Variants in DTHD1 observed in about 807,000 individuals in gnomAD.
DTHD1 encodes the protein death domain containing 1.
DTHD1 carries 59 observed loss-of-function variants against 74.8 expected under a neutral mutation model. The observed-to-expected ratio is 0.79, with a 90% CI of 0.64 to 0.98. DTHD1 has a LOEUF of 0.98. Ranked by LOEUF, DTHD1 falls within the 50% of genes least tolerant of loss-of-function variation. The pLI is 0.00. For synonymous variants in DTHD1, 365 were observed against 371.1 expected (o/e 0.98, Z 0.19); for missense variants, 1,051 against 1,065.4 (o/e 0.99, Z 0.19).
intron 8 of DTHD1, among the ~76,000 whole-genome samples, chr4:36,325,274 C>G (rs946113781): frequency 2.6e-5 from 4 of 152,192 alleles, no homozygotes; most frequent in African/African-American, 7.2e-5. Flanking sequence ...ACAACAAAAT[C>G]TCTCATCTAC....
rs767353519 is a variant in DTHD1, at chr4:36,284,176, A to T, written c.472A>T (p.Thr158Ser). The change falls in exon 2 of 10, where the codon ACA (threonine) becomes TCA (serine). Residue 158 changes from threonine to serine, a missense_variant. By Grantham distance (58) the Thr-to-Ser change is moderately conservative (BLOSUM62 1). Coordinates refer to ENST00000639862, the MANE Select transcript of DTHD1 (RefSeq NM_001170700.3). ...AARGELNVIE[T>S]ATVSPTNGEE... ...AAGAGGGGAACTAAATGTCATAGAA[A>T]CAGCTACTGTTTCTCCCACAAATGG... 3 of 1,537,250 alleles carry T rather than the reference A, an allele frequency of 2.0e-6. No homozygotes were observed. The highest frequency in any genetic ancestry group is 1.7e-6 in the Non-Finnish European group (2 of 1,146,894).
In DTHD1 at chr4:36,346,503, C is replaced by T. The variant is rs1759594266; in HGVS notation, c.*2679C>T. ...GTACATAGAGAAAACAATTGATCAT[C>T]CCTGCAGCATCTCCTCTCTTAAGAT... On this transcript the variant is annotated 3_prime_UTR_variant, in exon 10 of 10. Transcript: ENST00000639862. 6.6e-6 allele frequency among the ~76,000 whole-genome samples: 1 copy of T among 151,956 alleles called. No homozygotes were observed. The highest frequency in any genetic ancestry group is 1.5e-5 in the Non-Finnish European group (1 of 67,980).
intron 9 of DTHD1, among the ~76,000 whole-genome samples, chr4:36,339,567 T>C (rs1275398328): frequency 1.3e-5 from 2 of 152,172 alleles, no homozygotes; most frequent in Admixed American, 1.3e-4. Context: ...GAGGTATATA[T>C]TGATATGAAA....
chr4:36,297,034 A>G (rs1407672025), intron 5 of DTHD1, among the ~76,000 whole-genome samples: 1 of 152,224 alleles, frequency 6.6e-6, no homozygotes, highest in Admixed American at 6.5e-5. Context: ...AGAAAAGAAA[A>G]CGTTATTAAG....
In DTHD1 at chr4:36,331,896, A is replaced by G. The variant is rs926217461; in HGVS notation, c.2341-7216A>G. Reference sequence around the variant, plus strand: ...AGAACTGGGAAGCAGTAGAAATTACAGAGGACAAACTCGACAACTTCTTAT... The same window carrying G: ...AGAACTGGGAAGCAGTAGAAATTACGGAGGACAAACTCGACAACTTCTTAT... On this transcript the variant is annotated intron_variant, in intron 8 of 9. Coordinates refer to ENST00000639862, the MANE Select transcript of DTHD1 (RefSeq NM_001170700.3). 3.9e-5 allele frequency among the ~76,000 whole-genome samples: 6 copies of G among 152,240 alleles called. No individual in the cohort carries two copies. In the South Asian group the frequency reaches 6.2e-4, roughly 16 times the overall value.
chr4:36,340,286 C>T (rs1204989196), intron 9 of DTHD1, among the ~76,000 whole-genome samples: 1 of 152,156 alleles, frequency 6.6e-6, no homozygotes, highest in African/African-American at 2.4e-5. Context: ...AATTTGTCAA[C>T]AGGGGACTGG....
At chr4:36,325,268 C>A (rs1164142201) in intron 8 of DTHD1, among the ~76,000 whole-genome samples, 2 of 152,152 alleles carry the variant, frequency 1.3e-5, no homozygotes, top group Non-Finnish European at 2.9e-5. Flanking sequence ...GAGTAAACAA[C>A]AAAATCTCTC....
At chr4:36,332,460 G>C (rs143224769) in intron 8 of DTHD1, among the ~76,000 whole-genome samples, 1 of 152,090 alleles carries the variant, frequency 6.6e-6, no homozygotes, top group Non-Finnish European at 1.5e-5. Context: ...CTTTGCGGCT[G>C]GGAAGGCACT....
At chr4:36,333,041 C>G (rs1758789195) in intron 8 of DTHD1, among the ~76,000 whole-genome samples, 1 of 152,018 alleles carries the variant, frequency 6.6e-6, no homozygotes, top group African/African-American at 2.4e-5. Flanking sequence ...TATGACTTGA[C>G]AGAATTCTGT....
chr4:36,313,120 T>C (rs1757497552), intron 7 of DTHD1, among the ~76,000 whole-genome samples: 3 of 152,188 alleles, frequency 2.0e-5, no homozygotes, highest in Admixed American at 2.0e-4. Context: ...TATTGTTACA[T>C]TTGTATTTTC....
chr4:36,294,124 T>C (rs1193508056), intron 4 of DTHD1, among the ~76,000 whole-genome samples: 2 of 151,920 alleles, frequency 1.3e-5, no homozygotes, highest in Non-Finnish European at 2.9e-5. Flanking sequence ...TATTTAATTA[T>C]GAAACAGCCA....
intron 5 of DTHD1, among the ~76,000 whole-genome samples, chr4:36,297,276 T>C (rs1420319693): frequency 2.0e-5 from 3 of 152,178 alleles, no homozygotes; most frequent in African/African-American, 7.2e-5. Context: ...CCTTTATTCC[T>C]TTAATTATTT....
chr4:36,318,223 A>G (rs575085669), intron 8 of DTHD1, among the ~76,000 whole-genome samples: 2 of 152,366 alleles, frequency 1.3e-5, no homozygotes, highest in African/African-American at 4.8e-5. Flanking sequence ...TTGAATGGCT[A>G]TTATGCTGTC....
At chr4:36,305,496 A>G (rs10020393) in intron 5 of DTHD1, among the ~76,000 whole-genome samples, 13,834 of 152,160 alleles carry the variant, frequency 0.091, 1,586 homozygotes, top group African/African-American at 0.27. Context: ...CCATGATTCA[A>G]TTATCTCCTA....
intron 5 of DTHD1, among the ~76,000 whole-genome samples, chr4:36,304,312 T>A (rs1031804180): frequency 1.3e-5 from 2 of 152,174 alleles, no homozygotes; most frequent in African/African-American, 4.8e-5. Context: ...CTTCCAAGGG[T>A]TATAGAATTT....
chr4:36,307,212 C>A (rs1653827967), intron 6 of DTHD1, among the ~76,000 whole-genome samples: 1 of 152,190 alleles, frequency 6.6e-6, no homozygotes, highest in Non-Finnish European at 1.5e-5. Flanking sequence ...GCTGCTCTAA[C>A]AATGTACCAC....
Position 36,295,011 on chromosome 4 carries a change from A to C in DTHD1, c.1615A>C (p.Asn539His). The change falls in exon 5 of 10, where the codon AAT becomes CAT. Residue 539 changes from asparagine (N) to histidine (H), a missense_variant. Physicochemically the swap from Asn to His is moderately conservative, Grantham distance 68. Coordinates refer to ENST00000639862, the MANE Select transcript of DTHD1 (RefSeq NM_001170700.3). ...DHKRRASATINRITPSYFNRT... is the reference protein window; with the variant it reads ...DHKRRASATIHRITPSYFNRT... ...TAAAAGAAGAGCAAGTGCCACAATA[A>C]ATAGGATTACACCTTCGTATTTCAA... The C allele has an allele frequency of 6.5e-7, 1 of 1,549,758 alleles. No individual in the cohort carries two copies. Among genetic ancestry groups the C allele is most frequent in the Non-Finnish European group, 8.7e-7 (1 of 1,145,518 alleles).
intron 8 of DTHD1, 76 bp from the exon 9 acceptor site, chr4:36,339,036 C>G: frequency 2.6e-6 from 3 of 1,172,272 alleles, no homozygotes; most frequent in Non-Finnish European, 3.7e-6. Context: ...AGATGATGTT[C>G]AGATGAATTT....
intron 9 of DTHD1, 41 bp downstream of exon 9, chr4:36,339,210 A>G: frequency 7.3e-7 from 1 of 1,374,272 alleles, no homozygotes; most frequent in Admixed American, 2.0e-5. Flanking sequence ...GTGCTTCCCC[A>G]CCCCCTTATA....
Sources: allele counts gnomAD v4.1 joint callset (sites outside exome capture counted in the v4.1 genomes callset), GRCh38; gene constraint gnomAD v4.1.1; transcripts MANE v1.5; gene names NCBI Gene and HGNC (gene_info 2026-07-23, HGNC 2026-07-21).